Variants in DOCK3 observed in about 807,000 individuals in gnomAD.
The protein encoded by DOCK3 is dedicator of cytokinesis 3, also known as dedicator of cytokinesis protein 3.
DOCK3 carries 60 observed loss-of-function variants against 265.6 expected under a neutral mutation model. The ratio of observed to expected loss-of-function variants is 0.23; its 90% confidence interval spans 0.18 to 0.28. The LOEUF (loss-of-function observed/expected upper bound fraction) is 0.28. Ranked by LOEUF, DOCK3 falls within the 10% of genes least tolerant of loss-of-function variation. The pLI is 1.00. For synonymous variants in DOCK3, 881 were observed against 938.0 expected, an observed-to-expected ratio of 0.94 and a Z score of 1.11; for missense variants, 1,981 against 2,594.3, an observed-to-expected ratio of 0.76 and a Z score of 5.14.
chr3:51,272,098 C>T (rs75779898), intron 24 of DOCK3, among the ~76,000 whole-genome samples: 1 of 152,194 alleles, frequency 6.6e-6, no homozygotes, highest in Non-Finnish European at 1.5e-5. Flanking sequence ...TGATCAAGTT[C>T]TGCCTTGCAG....
chr3:51,338,282 C>T, intron 35 of DOCK3, 77 bp from the exon 36 acceptor site: 3 of 1,495,344 alleles, frequency 2.0e-6, no homozygotes, highest in South Asian at 1.2e-5. Flanking sequence ...TACTAATGCC[C>T]CAGTGATAGT....
intron 1 of DOCK3, among the ~76,000 whole-genome samples, chr3:50,744,681 C>A (rs372454292): frequency 6.6e-6 from 1 of 152,170 alleles, no homozygotes; most frequent in African/African-American, 2.4e-5. Flanking sequence ...GCGATCTGCC[C>A]GCCTTGGCCT....
intron 19 of DOCK3, among the ~76,000 whole-genome samples, chr3:51,230,057 T>G (rs1365856587): frequency 6.6e-6 from 1 of 152,238 alleles, no homozygotes; most frequent in Non-Finnish European, 1.5e-5. Flanking sequence ...TGACAAGATC[T>G]CTCCCATTTT....
chr3:51,014,394 C>T (rs982852180), intron 5 of DOCK3, among the ~76,000 whole-genome samples: 3 of 152,052 alleles, frequency 2.0e-5, no homozygotes, highest in African/African-American at 7.3e-5. Context: ...TTCTCCACCT[C>T]CCTCGACACT....
At chr3:51,201,672 C>T (rs2088783364) in intron 12 of DOCK3, among the ~76,000 whole-genome samples, 3 of 152,146 alleles carry the variant, frequency 2.0e-5, no homozygotes, top group Admixed American at 6.5e-5. Flanking sequence ...CCAAGCAGAC[C>T]TAATAGACAT....
At chr3:50,973,316 G>A (rs1276353533) in intron 5 of DOCK3, among the ~76,000 whole-genome samples, 1 of 137,300 alleles carries the variant, frequency 7.3e-6, no homozygotes, top group Non-Finnish European at 1.5e-5. Context: ...AGTCCCCAGA[G>A]TGTGATGTTC....
intron 4 of DOCK3, among the ~76,000 whole-genome samples, chr3:50,910,272 A>T (rs1267597854): frequency 6.6e-6 from 1 of 152,008 alleles, no homozygotes; most frequent in Non-Finnish European, 1.5e-5. Flanking sequence ...CTGGAGAGGT[A>T]TTGCAGTCAT....
At chr3:50,948,188 C>T (rs1256231142) in intron 5 of DOCK3, among the ~76,000 whole-genome samples, 1 of 151,114 alleles carries the variant, frequency 6.6e-6, no homozygotes, top group Non-Finnish European at 1.5e-5. Flanking sequence ...TCCCGAGTAG[C>T]TGGGACTACA....
chr3:50,811,100 A>G (rs1451590445), intron 2 of DOCK3, among the ~76,000 whole-genome samples: 1 of 152,202 alleles, frequency 6.6e-6, no homozygotes, highest in Non-Finnish European at 1.5e-5. Flanking sequence ...AGAAGAATAA[A>G]TAATAGGTGA....
intron 2 of DOCK3, among the ~76,000 whole-genome samples, chr3:50,781,101 T>C (rs759954703): frequency 1.4e-4 from 21 of 152,018 alleles, no homozygotes; most frequent in Non-Finnish European, 2.2e-4. Context: ...TGAATAGTGC[T>C]GCAATAAACA....
intron 5 of DOCK3, among the ~76,000 whole-genome samples, chr3:50,981,678 C>T (rs2077694137): frequency 6.6e-6 from 1 of 152,044 alleles, no homozygotes. Context: ...TGAACTGACC[C>T]CCTTTTCATT....
intron 9 of DOCK3, among the ~76,000 whole-genome samples, chr3:51,131,080 G>A (rs1324089127): frequency 8.5e-5 from 13 of 152,062 alleles, no homozygotes; most frequent in East Asian, 5.8e-4. Context: ...CTTTCCCACC[G>A]TAATAGCCCT....
intron 9 of DOCK3, among the ~76,000 whole-genome samples, chr3:51,093,018 C>T (rs1167577941): frequency 6.6e-6 from 1 of 152,088 alleles, no homozygotes; most frequent in Non-Finnish European, 1.5e-5. Flanking sequence ...TGAGGCCTCT[C>T]TTCTGTTCCA....
At chr3:50,889,698 T>C (rs1001274811) in intron 3 of DOCK3, among the ~76,000 whole-genome samples, 3 of 152,116 alleles carry the variant, frequency 2.0e-5, no homozygotes, top group African/African-American at 7.2e-5. Flanking sequence ...TGGAGATACA[T>C]GACAAGTTCT....
At chr3:50,689,090 G>A (rs767686726) in intron 1 of DOCK3, among the ~76,000 whole-genome samples, 34 of 152,304 alleles carry the variant, frequency 2.2e-4, no homozygotes, top group African/African-American at 7.7e-4. Flanking sequence ...ACTGTAAAGC[G>A]TGCCATCTGA....
At chr3:51,290,341 A>C (rs891561967) in intron 27 of DOCK3, among the ~76,000 whole-genome samples, 3 of 152,204 alleles carry the variant, frequency 2.0e-5, no homozygotes, top group African/African-American at 7.2e-5. Context: ...TACACCATGG[A>C]ATACTATGCA....
chr3:50,946,782 G>A (rs892475059), intron 5 of DOCK3, among the ~76,000 whole-genome samples: 3 of 152,242 alleles, frequency 2.0e-5, no homozygotes, highest in South Asian at 2.1e-4. Context: ...TTAGCCCATC[G>A]TCCTTCATCC....
intron 9 of DOCK3, among the ~76,000 whole-genome samples, chr3:51,120,411 G>A (rs1576150102): frequency 6.6e-6 from 1 of 152,160 alleles, no homozygotes; most frequent in East Asian, 1.9e-4. Context: ...GACCCCTACT[G>A]GGAGTTGTCT....
chr3:51,312,112 T>C (rs1429422103), intron 29 of DOCK3, 33 bp downstream of exon 29: 1 of 1,558,368 alleles, frequency 6.4e-7, no homozygotes, highest in Non-Finnish European at 8.7e-7. Flanking sequence ...TCACTATTAT[T>C]GCAATAACCT....
Sources: allele counts gnomAD v4.1 joint callset (sites outside exome capture counted in the v4.1 genomes callset), GRCh38; gene constraint gnomAD v4.1.1; transcripts MANE v1.5; gene names NCBI Gene and HGNC (gene_info 2026-07-23, HGNC 2026-07-21).